CCDC171: variants seen among roughly 807,000 people sequenced by gnomAD.
CCDC171 encodes coiled-coil domain-containing protein 171.
A neutral mutation model predicts 168.2 loss-of-function variants in CCDC171; 177 were observed. That is an observed-to-expected ratio of 1.05 (90% CI 0.93 to 1.19). The LOEUF is 1.19. CCDC171 is among the 50% of genes most tolerant of loss of function. The pLI is 0.00. For missense variants in CCDC171, 1,991 were observed against 1,539.0 expected, an observed-to-expected ratio of 1.29 and a Z score of -4.91; for synonymous variants, 687 against 540.8, an observed-to-expected ratio of 1.27 and a Z score of -3.75.
In CCDC171 at chr9:15,554,843, C is replaced by A. The variant is rs553217098; in HGVS notation, c.-112+1541C>A. ...CAAATTATTCAACATCTCCAAGCCTCAGTTTTCTTATCTGTGAAATGTGCA... is the reference window on the plus strand; with the variant it reads ...CAAATTATTCAACATCTCCAAGCCTAAGTTTTCTTATCTGTGAAATGTGCA... On this transcript the variant is annotated intron_variant, in intron 1 of 25. Transcript: ENST00000380701. Among the ~76,000 whole-genome samples the A allele has an allele frequency of 3.9e-5, 6 of 152,292 alleles. No homozygotes were observed. In the South Asian group the frequency reaches 8.3e-4, roughly 21 times the overall value.
intron 1 of CCDC171, among the ~76,000 whole-genome samples, chr9:16,053,718 AG>A (rs1200738840): frequency 6.6e-6 from 1 of 152,206 alleles, no homozygotes; most frequent in Non-Finnish European, 1.5e-5. Context: ...GGCCGGAGAA[AG>A]CTCCTGATGT....
chr9:15,591,448 C>A lies in CCDC171; in HGVS notation c.435C>A (p.Cys145Ter), dbSNP rs766510757. 2.5e-6 allele frequency: 4 copies of A among 1,607,276 alleles called. No homozygotes were observed. In the Admixed American group the frequency reaches 6.8e-5, roughly 27 times the overall value. The change falls in exon 5 of 26, where the codon TGC (cysteine) becomes TGA (stop). Residue 145 changes from cysteine (C) to a stop codon, truncating the protein, a stop_gained. Coordinates refer to ENST00000380701, the MANE Select transcript of CCDC171 (RefSeq NM_173550.4). LOFTEE classifies it high-confidence loss of function. ...QTSQQKWKEE[C>*]RRFEHDLEER... is the part of the protein sequence containing the mutation. Reference sequence around the variant, plus strand: ...CTCAGCAAAAATGGAAAGAAGAATGCAGAAGATTTGAACATGATTTGGAGG... The same window carrying A: ...CTCAGCAAAAATGGAAAGAAGAATGAAGAAGATTTGAACATGATTTGGAGG...
chr9:15,870,220 A>G (rs1296979160), intron 23 of CCDC171, among the ~76,000 whole-genome samples: 2 of 151,834 alleles, frequency 1.3e-5, no homozygotes, highest in African/African-American at 4.8e-5. Context: ...AGGCTGTTCT[A>G]GTGCATAGAA....
intron 7 of CCDC171, 62 bp downstream of exon 7, chr9:15,623,475 G>GCGCCCACACACA: frequency 1.3e-5 from 4 of 315,440 alleles, no homozygotes; most frequent in African/African-American, 2.4e-5. Flanking sequence ...GCGCGCGCGC[G>GCGCCCACACACA]CACACACACA....
intron 9 of CCDC171, among the ~76,000 whole-genome samples, chr9:15,671,557 G>C (rs1005709925): frequency 8.3e-5 from 12 of 143,876 alleles, no homozygotes; most frequent in Non-Finnish European, 1.6e-4. Context: ...CCTGCCCTGT[G>C]TACATGTGTT....
chr9:15,894,914 A>G (rs1455389644), intron 24 of CCDC171, among the ~76,000 whole-genome samples: 2 of 152,096 alleles, frequency 1.3e-5, no homozygotes, highest in Non-Finnish European at 2.9e-5. Flanking sequence ...TATATACTTT[A>G]CCACAGTATC....
intron 25 of CCDC171, among the ~76,000 whole-genome samples, chr9:15,940,625 C>A (rs570812450): frequency 6.6e-6 from 1 of 152,056 alleles, no homozygotes; most frequent in African/African-American, 2.4e-5. Context: ...AGAAGTTATA[C>A]ATATTCACTG....
chr9:15,705,463 G>C (rs1387767179), intron 11 of CCDC171, among the ~76,000 whole-genome samples: 2 of 152,044 alleles, frequency 1.3e-5, no homozygotes, highest in Non-Finnish European at 1.5e-5. Context: ...CTAGCTTCTT[G>C]CCATTTCTTG....
Position 15,876,341 on chromosome 9 carries a change from G to A in CCDC171, c.3600+1678G>A, listed in dbSNP as rs192535258. Among the ~76,000 whole-genome samples the A allele has an allele frequency of 9.2e-5, 14 of 152,104 alleles. No individual in the cohort carries two copies. The East Asian group carries it at 2.5e-3, about 27-fold the overall frequency. On this transcript the variant is annotated intron_variant, in intron 24 of 25. Transcript: ENST00000380701. ...TAATAATAGTACCTACAGTTTCAGCGAACACTTAACTATGTACCAGGTACC... is the reference window on the plus strand; with the variant it reads ...TAATAATAGTACCTACAGTTTCAGCAAACACTTAACTATGTACCAGGTACC...
the CCDC171 span, among the ~76,000 whole-genome samples, chr9:16,080,876 G>A: frequency 6.6e-6 from 1 of 152,170 alleles, no homozygotes; most frequent in African/African-American, 2.4e-5. Context: ...ACCATAGTCA[G>A]TAGTTACTGC....
chr9:15,962,286 G>C (rs1271159625), intron 25 of CCDC171, among the ~76,000 whole-genome samples: 1 of 152,176 alleles, frequency 6.6e-6, no homozygotes, highest in African/African-American at 2.4e-5. Flanking sequence ...GTTTATAACT[G>C]TAAATTTTAT....
intron 21 of CCDC171, among the ~76,000 whole-genome samples, chr9:15,799,498 G>C (rs1232849305): frequency 6.6e-6 from 1 of 151,628 alleles, no homozygotes; most frequent in African/African-American, 2.4e-5. Context: ...AAACTTAATA[G>C]GGTATGTGTA....
chr9:15,796,953 A>G (rs947380615), intron 21 of CCDC171, among the ~76,000 whole-genome samples: 5 of 152,216 alleles, frequency 3.3e-5, no homozygotes, highest in African/African-American at 4.8e-5. Flanking sequence ...GTGAGTTTTT[A>G]AGAAACTGCC....
intron 6 of CCDC171, among the ~76,000 whole-genome samples, chr9:16,026,992 A>G (rs867675635): frequency 1.1e-4 from 17 of 152,330 alleles, no homozygotes; most frequent in Admixed American, 4.6e-4. Context: ...CTAGAAAATT[A>G]GTGGGCCTAT....
intron 9 of CCDC171, among the ~76,000 whole-genome samples, chr9:15,675,741 C>T (rs922121032): frequency 1.4e-4 from 22 of 152,300 alleles, no homozygotes; most frequent in South Asian, 4.1e-4. Flanking sequence ...CCAAGAGATC[C>T]GCTGTTAGTC....
chr9:16,040,396 A>G (rs1833553881), upstream of CCDC171, among the ~76,000 whole-genome samples: 1 of 152,120 alleles, frequency 6.6e-6, no homozygotes, highest in African/African-American at 2.4e-5. Context: ...GGGATTAATG[A>G]GCCCTCAGAG....
chr9:15,975,049 G>C (rs569407859), downstream of CCDC171, among the ~76,000 whole-genome samples: 147 of 152,198 alleles, frequency 9.7e-4, 1 homozygote, highest in African/African-American at 3.5e-3. Context: ...GACTACAGAT[G>C]CGTACCACTG....
At chr9:15,784,834 C>A in intron 21 of CCDC171, 140 bp downstream of exon 21, 1 of 603,342 alleles carries the variant, frequency 1.7e-6, no homozygotes, top group Non-Finnish European at 2.7e-6. Flanking sequence ...AAACATGTTT[C>A]TGAGACCTCA....
intron 8 of CCDC171, among the ~76,000 whole-genome samples, chr9:15,662,046 G>C (rs2048358490): frequency 6.6e-6 from 1 of 152,210 alleles, no homozygotes; most frequent in African/African-American, 2.4e-5. Flanking sequence ...GGAGGCTGAG[G>C]TGGGCAGATC....
Sources: gnomAD v4.1 joint callset for allele counts (sites outside exome capture counted in the v4.1 genomes callset) on GRCh38, gnomAD v4.1.1 for gene constraint, MANE v1.5 for transcripts, NCBI Gene and HGNC (gene_info 2026-07-23, HGNC 2026-07-21) for gene names.